Variants in SYCP1 observed in about 807,000 individuals in gnomAD.
SYCP1 encodes cancer/testis antigen 8.
SYCP1 carries 64 observed loss-of-function variants against 153.1 expected under a neutral mutation model. The ratio of observed to expected loss-of-function variants is 0.42; its 90% CI spans 0.34 to 0.51. The LOEUF is 0.51. SYCP1 is among the 20% of genes least tolerant of loss of function. SYCP1 has a pLI of 0.06. For synonymous variants in SYCP1, 384 were observed against 341.8 expected (o/e 1.12, Z -1.36); for missense variants, 997 against 1,049.0 (o/e 0.95, Z 0.68).
At chr1:114,935,498 T>G (rs188065280) in intron 23 of SYCP1, among the ~76,000 whole-genome samples, 2,389 of 152,120 alleles carry the variant, frequency 0.016, 66 homozygotes, top group African/African-American at 0.054. Flanking sequence ...TTAAAAGAAC[T>G]AGAGAAGCAA....
intron 27 of SYCP1, among the ~76,000 whole-genome samples, chr1:114,976,653 G>A (rs887395293): frequency 1.3e-5 from 2 of 151,704 alleles, no homozygotes; most frequent in Non-Finnish European, 3.0e-5. Flanking sequence ...CAGCATTCCA[G>A]CCCCTTAGAG....
At chr1:114,906,114 C>T (rs1667792150) in intron 16 of SYCP1, among the ~76,000 whole-genome samples, 1 of 151,918 alleles carries the variant, frequency 6.6e-6, no homozygotes, top group Non-Finnish European at 1.5e-5. Context: ...TATAGGCATG[C>T]ACTACCACAC....
In SYCP1 at chr1:114,885,569, G is replaced by A; in HGVS notation, c.945G>A (p.Glu315=). 3 of 1,583,152 alleles carry A rather than the reference G, an allele frequency of 1.9e-6. No individual in the cohort carries two copies. The highest frequency in any genetic ancestry group is 2.6e-6 in the Non-Finnish European group (3 of 1,163,678). The part of the protein sequence containing the change: ...LQSENLKQSI[E]KQHHLTKELE... ...GTGAAAACTTAAAACAATCAATTGA[G>A]AAACAGCATCATTTGACTAAAGAAC... Residue 315 remains glutamate (E), a synonymous_variant, in exon 13 of 32, where the codon GAG becomes GAA. Transcript: ENST00000369522.
intron 23 of SYCP1, among the ~76,000 whole-genome samples, chr1:114,927,791 C>T (rs970236901): frequency 6.6e-6 from 1 of 151,786 alleles, no homozygotes; most frequent in Admixed American, 6.6e-5. Context: ...TTGGAGTCCC[C>T]AAGTAAGAAG....
chr1:114,979,591 A>G (rs760664562), intron 28 of SYCP1, among the ~76,000 whole-genome samples: 1 of 151,832 alleles, frequency 6.6e-6, no homozygotes, highest in African/African-American at 2.4e-5. Context: ...TTTACCCCTG[A>G]TGAATCCAGA....
chr1:114,934,235 A>G (rs1025414166), intron 23 of SYCP1, among the ~76,000 whole-genome samples: 66 of 152,254 alleles, frequency 4.3e-4, no homozygotes, highest in Non-Finnish European at 1.5e-4. Flanking sequence ...ACAAGCCAGA[A>G]GAGAGTGGGG....
intron 27 of SYCP1, among the ~76,000 whole-genome samples, chr1:114,953,355 G>A (rs1397926405): frequency 6.6e-6 from 1 of 152,138 alleles, no homozygotes. Context: ...TTTATGGATT[G>A]TGCTTTTGAT....
intron 27 of SYCP1, among the ~76,000 whole-genome samples, chr1:114,950,197 C>A (rs933452593): frequency 2.0e-5 from 3 of 152,186 alleles, no homozygotes; most frequent in African/African-American, 4.8e-5. Context: ...GTCTTCCCAG[C>A]CTCTCTTTTC....
chr1:114,960,778 G>A (rs189555897), intron 27 of SYCP1, among the ~76,000 whole-genome samples: 63 of 152,184 alleles, frequency 4.1e-4, no homozygotes, highest in African/African-American at 1.4e-3. Context: ...GAGGATTTGT[G>A]CATCTATGTT....
intron 8 of SYCP1, chr1:114,862,948 A>T (rs1004160326): frequency 2.6e-5 from 4 of 152,172 alleles, no homozygotes; most frequent in Non-Finnish European, 5.9e-5. Context: ...GATGCTGATG[A>T]AAAACAGCAG....
chr1:114,879,991 T>C (rs1190964122), intron 12 of SYCP1, among the ~76,000 whole-genome samples: 2 of 152,236 alleles, frequency 1.3e-5, no homozygotes, highest in African/African-American at 4.8e-5. Flanking sequence ...TTTAAAAATC[T>C]CATTTTTCAC....
chr1:114,991,708 T>G, intron 30 of SYCP1, among the ~76,000 whole-genome samples: 1 of 151,692 alleles, frequency 6.6e-6, no homozygotes. Flanking sequence ...TACTCAATGG[T>G]GAAAGACTGA....
At chr1:114,984,098 G>A (rs377723574) in intron 29 of SYCP1, among the ~76,000 whole-genome samples, 1 of 151,646 alleles carries the variant, frequency 6.6e-6, no homozygotes, top group African/African-American at 2.4e-5. Context: ...TTTAGAGTTG[G>A]GGTCTTGCTA....
intron 27 of SYCP1, among the ~76,000 whole-genome samples, chr1:114,973,190 T>C (rs1672599814): frequency 6.6e-6 from 1 of 152,150 alleles, no homozygotes; most frequent in African/African-American, 2.4e-5. Flanking sequence ...AAAATTTACC[T>C]GGTGCTCTTA....
chr1:114,858,393 A>G (rs552667142), intron 5 of SYCP1, among the ~76,000 whole-genome samples, 154 bp from the exon 6 acceptor site: 192 of 152,304 alleles, frequency 1.3e-3, no homozygotes, highest in African/African-American at 4.5e-3. Context: ...TTAGTAGTTT[A>G]AAAGAGTTAA....
rs1041128912 is a variant in SYCP1 at position 114,946,354 on chromosome 1, A to G, written c.2220A>G (p.Gln740=). ...TAGGACTTTATAAGAGCAAAGAACA[A>G]GAACAGTCATCACTGAGAGCATCTT... The part of the protein sequence containing the change: ...SELGLYKSKE[Q]EQSSLRASLE... The change falls in exon 26 of 32, where the codon CAA becomes CAG. Residue 740 remains glutamine, a synonymous_variant. Transcript: ENST00000369522. 6.3e-7 allele frequency: 1 copy of G among 1,587,302 alleles called. No homozygotes were observed. The highest frequency in any genetic ancestry group is 8.5e-7 in the Non-Finnish European group (1 of 1,170,270).
chr1:114,864,129 T>TA (rs766421366), intron 8 of SYCP1, among the ~76,000 whole-genome samples: 7,386 of 140,486 alleles, frequency 0.053, 201 homozygotes, highest in Middle Eastern at 0.072. Flanking sequence ...TCCCAGAACT[T>TA]AAAAAAAAAA....
intron 27 of SYCP1, among the ~76,000 whole-genome samples, chr1:114,960,256 C>A (rs1451664293): frequency 1.3e-5 from 2 of 148,370 alleles, no homozygotes; most frequent in Non-Finnish European, 3.0e-5. Context: ...CAACCTCCAC[C>A]TCCTGGGTTC....
chr1:114,958,475 G>T (rs1008076066), intron 27 of SYCP1, among the ~76,000 whole-genome samples: 16 of 152,062 alleles, frequency 1.1e-4, no homozygotes, highest in Non-Finnish European at 1.3e-4. Context: ...ATAAATGTTT[G>T]AGATGATAGA....
Sources: gnomAD v4.1 joint callset for allele counts (sites outside exome capture counted in the v4.1 genomes callset) on GRCh38, gnomAD v4.1.1 for gene constraint, MANE v1.5 for transcripts, NCBI Gene and HGNC (gene_info 2026-07-23, HGNC 2026-07-21) for gene names.